Variants in IHO1 observed in about 807,000 individuals in gnomAD.
The protein encoded by IHO1 is interactor of HORMAD1 protein 1.
A neutral mutation model predicts 31.0 loss-of-function variants in IHO1; 13 were observed. The observed-to-expected ratio is 0.42, with a 90% CI of 0.27 to 0.67. IHO1 has a LOEUF of 0.67. Ranked by LOEUF, IHO1 falls within the 30% of genes least tolerant of loss-of-function variation. The pLI, the probability that IHO1 is intolerant of heterozygous loss-of-function variation, is 0.24. For missense variants in IHO1, 599 were observed against 687.5 expected (o/e 0.87, Z 1.44); for synonymous variants, 221 against 248.4 (o/e 0.89, Z 1.04).
intron 2 of IHO1, among the ~76,000 whole-genome samples, chr3:49,224,025 G>A (rs1040221673): frequency 1.3e-5 from 2 of 152,152 alleles, no homozygotes; most frequent in African/African-American, 4.8e-5. Flanking sequence ...AAGAGATTTG[G>A]CCCTGTAGAT....
chr3:49,220,475 A>T (rs1400475999), intron 2 of IHO1, among the ~76,000 whole-genome samples: 1 of 152,160 alleles, frequency 6.6e-6, no homozygotes, highest in Non-Finnish European at 1.5e-5. Context: ...TCAGATGTTA[A>T]GATGTGTCTG....
At chr3:49,193,612 T>TCA (rs1366214386), upstream of IHO1, among the ~76,000 whole-genome samples, 1 of 110,478 alleles carries the variant, frequency 9.1e-6, no homozygotes, top group African/African-American at 3.6e-5. Flanking sequence ...GAGGAAGAGA[T>TCA]CACACCATTG....
chr3:49,217,679 G>A (rs1305594982), intron 2 of IHO1, among the ~76,000 whole-genome samples: 2 of 152,036 alleles, frequency 1.3e-5, no homozygotes, highest in Admixed American at 6.6e-5. Context: ...ACAGCTCACT[G>A]TGATGTAGAA....
intron 2 of IHO1, among the ~76,000 whole-genome samples, chr3:49,213,692 C>T (rs1004342288): frequency 1.3e-5 from 2 of 152,238 alleles, no homozygotes; most frequent in Admixed American, 6.5e-5. Context: ...AGGTGCTAGG[C>T]CCCTCACTGC....
Position 49,254,484 on chromosome 3 carries a change from C to T in IHO1, c.533-906C>T, listed in dbSNP as rs117600185. ...CTGCAGAGAGAAGCAACACCCTAGC[C>T]GAGTGGAAATGGTATTTTCTGAGGA... On this transcript the variant is annotated intron_variant, in intron 6 of 7. Coordinates refer to ENST00000452691, the MANE Select transcript of IHO1 (RefSeq NM_001135197.2). Among the ~76,000 whole-genome samples, 914 of 151,380 alleles carry T rather than the reference C, an allele frequency of 6.0e-3. 9 individuals are homozygous for T. Among genetic ancestry groups the T allele is most frequent in the African/African-American group, 0.021 (846 of 41,180 alleles).
chr3:49,235,524 G>A (rs114681555), intron 2 of IHO1, among the ~76,000 whole-genome samples: 273 of 151,238 alleles, frequency 1.8e-3, no homozygotes, highest in Non-Finnish European at 2.4e-3. Context: ...CACCGCACCC[G>A]GCCGATTATA....
Position 49,221,666 on chromosome 3 carries a change from A to G in IHO1, c.56+9830A>G, listed in dbSNP as rs553022967. 2.0e-5 allele frequency among the ~76,000 whole-genome samples: 3 copies of G among 152,356 alleles called. No individual in the cohort carries two copies. The East Asian group carries it at 5.8e-4, about 29-fold the overall frequency. On this transcript the variant is annotated intron_variant, in intron 2 of 7. Coordinates refer to ENST00000452691, the MANE Select transcript of IHO1 (RefSeq NM_001135197.2). ...GGCCAGCCAAAGGGCCAGTGGGTCAATCCAGGGGTCCTTGGTAGAAGTTGT... is the reference window on the plus strand; with the variant it reads ...GGCCAGCCAAAGGGCCAGTGGGTCAGTCCAGGGGTCCTTGGTAGAAGTTGT...
At chr3:49,237,887 CTTTTTTTTTTTTTTTTTTT>C (rs574951773) in intron 3 of IHO1, among the ~76,000 whole-genome samples, 2 of 51,414 alleles carry the variant, frequency 3.9e-5, no homozygotes, top group South Asian at 1.1e-3. Flanking sequence ...CTGTCTTTTC[CTTTTTTTTTTTTTTTTTTT>C]TTTTTTTTTT....
Position 49,256,303 on chromosome 3 carries a change from G to A in IHO1, c.806G>A (p.Ser269Asn). 2.5e-6 allele frequency: 4 copies of A among 1,614,180 alleles called. No individual in the cohort carries two copies. The highest frequency in any genetic ancestry group is 3.4e-6 in the Non-Finnish European group (4 of 1,180,042). Residue 269 changes from serine (S) to asparagine (N), a missense_variant, in exon 8 of 8, where the codon AGT (serine) becomes AAT (asparagine). Coordinates refer to ENST00000452691, the MANE Select transcript of IHO1 (RefSeq NM_001135197.2). The surrounding 1 kb of genome is among the most constrained non-coding windows in gnomAD (Gnocchi z 4.6). ...ATCTCAGTGCCTCCAGTGAAAGACA[G>A]TGCTTCTCAGACGTCGCCACCTTTG... Reference protein sequence around the residue: ...RLISVPPVKDSASQTSPPLAQ... With the variant: ...RLISVPPVKDNASQTSPPLAQ...
At chr3:49,194,775 G>A (rs2045988235), upstream of IHO1, among the ~76,000 whole-genome samples, 1 of 151,268 alleles carries the variant, frequency 6.6e-6, no homozygotes, top group Admixed American at 6.6e-5. Flanking sequence ...GTGCACCTGT[G>A]GTCTCAACTA....
At chr3:49,201,320 C>T (rs1228283240) in intron 1 of IHO1, among the ~76,000 whole-genome samples, 5 of 151,456 alleles carry the variant, frequency 3.3e-5, no homozygotes, top group Admixed American at 6.6e-5. Context: ...AAAATTGGGC[C>T]GAGTTGGCTG....
intron 3 of IHO1, among the ~76,000 whole-genome samples, chr3:49,238,672 C>T (rs1466127248): frequency 1.3e-5 from 2 of 152,212 alleles, no homozygotes; most frequent in Non-Finnish European, 2.9e-5. Context: ...AAAACAGGAA[C>T]TTATCAAACT....
chr3:49,214,609 T>TATATATATATATATATAC lies in IHO1; in HGVS notation c.56+2790_56+2791insCATATATATATATATATA, dbSNP rs201433741. Among the ~76,000 whole-genome samples, 62 of 23,874 alleles carry TATATATATATATATATAC rather than the reference T, an allele frequency of 2.6e-3. 1 individual carries two copies. The East Asian group carries it at 0.048, about 19-fold the overall frequency. 15.7% of individuals were successfully genotyped at this position (23,874 alleles called of 152,430 possible). On this transcript the variant is annotated intron_variant, in intron 2 of 7. Coordinates refer to ENST00000452691, the MANE Select transcript of IHO1 (RefSeq NM_001135197.2). ...AAAAACTATCTTTATTTCTAGATCA[T>TATATATATATATATATAC]ATATATATATATATATATATATATT...
intron 2 of IHO1, among the ~76,000 whole-genome samples, chr3:49,230,175 C>T (rs1261672164): frequency 7.9e-5 from 12 of 152,148 alleles, no homozygotes; most frequent in Admixed American, 7.9e-4. Flanking sequence ...TACTTACTTA[C>T]TGAACAATTA....
chr3:49,193,655 C>CAAAA (rs71077770), upstream of IHO1, among the ~76,000 whole-genome samples: 1 of 24,998 alleles, frequency 4.0e-5, no homozygotes, highest in African/African-American at 2.0e-4. Flanking sequence ...GAGACTCTAC[C>CAAAA]AAAAAAAAAA....
intron 1 of IHO1, among the ~76,000 whole-genome samples, chr3:49,200,044 G>A (rs2046032839): frequency 6.6e-6 from 1 of 152,188 alleles, no homozygotes; most frequent in Non-Finnish European, 1.5e-5. Context: ...AGAGGCGGCC[G>A]GCCATTAGTG....
intron 1 of IHO1, among the ~76,000 whole-genome samples, chr3:49,211,276 G>A (rs1166204911): frequency 9.2e-5 from 14 of 152,102 alleles, no homozygotes; most frequent in Non-Finnish European, 4.4e-5. Context: ...CCAAAGTGCT[G>A]GGATTACAGG....
At chr3:49,237,821 G>A (rs1287565861) in intron 3 of IHO1, among the ~76,000 whole-genome samples, 4 of 144,434 alleles carry the variant, frequency 2.8e-5, no homozygotes, top group African/African-American at 1.0e-4. Flanking sequence ...AGGTTAGTGA[G>A]TAAAGGCCAG....
At chr3:49,199,958 C>G in intron 1 of IHO1, 1 of 152,114 alleles carries the variant, frequency 6.6e-6, no homozygotes, top group Non-Finnish European at 1.5e-5. Flanking sequence ...CCTGTGAGGC[C>G]TCTGGAAAGA....
Sources: allele counts gnomAD v4.1 joint callset (sites outside exome capture counted in the v4.1 genomes callset), GRCh38; gene constraint gnomAD v4.1.1; non-coding constraint Gnocchi (gnomAD v3.1); transcripts MANE v1.5; gene names NCBI Gene and HGNC (gene_info 2026-07-23, HGNC 2026-07-21).